The following SLC37A2 variants were observed in gnomAD, a reference collection of about 807,000 sequenced individuals.
SLC37A2 encodes solute carrier family 37 member 2.
SLC37A2 carries 59 observed loss-of-function variants against 70.7 expected under a neutral mutation model. That is an observed-to-expected ratio of 0.83 (90% CI 0.68 to 1.04). The LOEUF (loss-of-function observed/expected upper bound fraction) is 1.04, where lower values mean the gene tolerates loss of function less well. Ranked by LOEUF, SLC37A2 falls within the 50% of genes least tolerant of loss-of-function variation. The probability of loss-of-function intolerance (pLI) is 0.00; values close to 1 mark genes in which losing one functional copy is unlikely to be tolerated. For missense variants in SLC37A2, 580 were observed against 658.1 expected (o/e 0.88, Z 1.30); for synonymous variants, 257 against 262.1 (o/e 0.98, Z 0.19).
intron 17 of SLC37A2, chr11:125,086,496 C>A (rs954961436): frequency 1.1e-5 from 6 of 531,628 alleles, no homozygotes; most frequent in African/African-American, 1.9e-5. Context: ...TTGGACATGC[C>A]CTCGGGGACA....
chr11:125,063,961 A>G lies in SLC37A2; in HGVS notation c.59+535A>G, dbSNP rs1312888510. On this transcript the variant is annotated intron_variant, in intron 1 of 17. Coordinates refer to ENST00000403796, the MANE Select transcript of SLC37A2 (RefSeq NM_001145290.2). This position sits in a 1 kb window ranked among gnomAD's most constrained non-coding sequence, Gnocchi z 5.4. The stretch of plus-strand genomic sequence containing the variant: ...GGAAAGGGCACAGCTCTCAGAGCAG[A>G]GCAGGGCAGCCCCTCGGCAGTGGGA... Among the ~76,000 whole-genome samples the G allele has an allele frequency of 6.6e-6, 1 of 152,166 alleles. No homozygotes were observed. Among genetic ancestry groups the G allele is most frequent in the Non-Finnish European group, 1.5e-5 (1 of 68,022 alleles).
In SLC37A2 at chr11:125,079,667, CT is replaced by C. The variant is rs1009927479; in HGVS notation, c.451-15del. ...CAGCCCAGGCCTGTTCCCACCCTCC[CT>C]TCTCTCTCCCTGCAGGTCTGTAATG... On this transcript the variant is annotated splice_polypyrimidine_tract_variant and intron_variant, in intron 5 of 17. Coordinates refer to ENST00000403796, the MANE Select transcript of SLC37A2 (RefSeq NM_001145290.2). 20 of 1,583,344 alleles carry C rather than the reference CT, an allele frequency of 1.3e-5. No individual in the cohort carries two copies. The highest frequency in any genetic ancestry group is 1.6e-5 in the Non-Finnish European group (19 of 1,162,874).
At position 125,083,430 on chromosome 11, in the gene SLC37A2, C is replaced by A. The variant is rs185904192; in HGVS notation, c.977-385C>A. 6 of 193,588 alleles carry A rather than the reference C, an allele frequency of 3.1e-5. No homozygotes were observed. Among genetic ancestry groups the A allele is most frequent in the African/African-American group, 4.7e-5 (2 of 42,774 alleles). The allele number at this position is 193,588 out of a possible 1,614,324, so 12.0% of individuals were successfully genotyped here. A position where few individuals can be genotyped will look rare whatever the true frequency, so the allele number is the denominator to read the frequency against. On this transcript the variant is annotated intron_variant, in intron 10 of 17. Coordinates refer to ENST00000403796, the MANE Select transcript of SLC37A2 (RefSeq NM_001145290.2). The surrounding 1 kb of genome is among the most constrained non-coding windows in gnomAD (Gnocchi z 4.6). ...GTGTATGAGCACAGCCTAAGGTAAA[C>A]GGGAAGAGTTCCTAGTGCTGCTAGG...
intron 17 of SLC37A2, 96 bp from the exon 18 acceptor site, chr11:125,088,023 A>AG: frequency 1.5e-6 from 2 of 1,361,980 alleles, no homozygotes; most frequent in Non-Finnish European, 1.0e-6. Flanking sequence ...GCAATGATGA[A>AG]GGGACCCTGG....
chr11:125,081,306 C>A, intron 7 of SLC37A2, 115 bp from the exon 8 acceptor site: 1 of 966,334 alleles, frequency 1.0e-6, no homozygotes, highest in Non-Finnish European at 1.5e-6. Flanking sequence ...GAGCTGGAGG[C>A]GGGGCTGGTT....
chr11:125,081,284 TG>T, intron 7 of SLC37A2, 136 bp from the exon 8 acceptor site: 1 of 803,886 alleles, frequency 1.2e-6, no homozygotes, highest in Non-Finnish European at 2.0e-6. Flanking sequence ...GGACACACAC[TG>T]GCCACCTTAG....
At chr11:125,066,939 A>G (rs148786003) in intron 1 of SLC37A2, among the ~76,000 whole-genome samples, 1 of 149,898 alleles carries the variant, frequency 6.7e-6, no homozygotes, top group East Asian at 1.9e-4. Flanking sequence ...TTTAAATTAA[A>G]GAAGGAAAGT....
At position 125,085,672 on chromosome 11, in the gene SLC37A2, T is replaced by A. The variant is rs1217920446; in HGVS notation, c.1423T>A (p.Leu475Met). 1 of 1,612,436 alleles carries A rather than the reference T, an allele frequency of 6.2e-7. No individual in the cohort carries two copies. The highest frequency in any genetic ancestry group is 2.2e-5 in the East Asian group (1 of 44,792). The stretch of plus-strand genomic sequence containing the variant: ...CATCTCTGCCGACGTCCTAGCCTGC[T>A]TGGTAAGAGTCTTGGGGTACACAGA... The part of the protein sequence containing the change: ...MLISADVLAC[L>M]LLCRLVYKEI... The change falls in exon 16 of 18, where the codon TTG becomes ATG. Residue 475 changes from leucine (L) to methionine (M), a missense_variant and splice_region_variant. Physicochemically the swap from Leu to Met is conservative, Grantham distance 15. Coordinates refer to ENST00000403796, the MANE Select transcript of SLC37A2 (RefSeq NM_001145290.2).
chr11:125,066,041 C>T lies in SLC37A2; in HGVS notation c.59+2615C>T, dbSNP rs542038138. Among the ~76,000 whole-genome samples the T allele has an allele frequency of 7.2e-5, 11 of 152,300 alleles. No homozygotes were observed. The South Asian group carries it at 1.9e-3, about 26-fold the overall frequency. On this transcript the variant is annotated intron_variant, in intron 1 of 17. Coordinates refer to ENST00000403796, the MANE Select transcript of SLC37A2 (RefSeq NM_001145290.2). ...TCATCCATCCCCAGTTCATGCGGTC[C>T]TGTGTGATTAATTCTGTCCCGCTGA...
At position 125,063,411 on chromosome 11, in the gene SLC37A2, T is replaced by G. The variant is rs1229951468; in HGVS notation, c.44T>G (p.Phe15Cys). 5.6e-6 allele frequency: 9 copies of G among 1,611,604 alleles called. No individual in the cohort carries two copies. The African/African-American group carries it at 8.0e-5, about 14-fold the overall frequency. Residue 15 changes from phenylalanine (F) to cysteine (C), a missense_variant, in exon 1 of 18, where the codon TTC becomes TGC. Physicochemically the swap from Phe to Cys is radical, Grantham distance 205 (BLOSUM62 -2). Coordinates refer to ENST00000403796, the MANE Select transcript of SLC37A2 (RefSeq NM_001145290.2). This position sits in a 1 kb window ranked among gnomAD's most constrained non-coding sequence, Gnocchi z 5.4. ...LAPGVWFFRAFSRDSWFRGLI... is the reference protein window; with the variant it reads ...LAPGVWFFRACSRDSWFRGLI... ...CCGGGAGTCTGGTTCTTCCGGGCCT[T>G]CTCCAGGGACAGCTGGTGAGCGGGG...
chr11:125,073,076 A>C (rs1591628646), intron 1 of SLC37A2, among the ~76,000 whole-genome samples: 1 of 152,268 alleles, frequency 6.6e-6, no homozygotes, highest in South Asian at 2.1e-4. Context: ...GGTGGATTTC[A>C]GGGAGTTGGG....
intron 12 of SLC37A2, 51 bp from the exon 13 acceptor site, chr11:125,084,773 AG>A (rs1292526175): frequency 6.3e-7 from 1 of 1,592,404 alleles, no homozygotes; most frequent in Non-Finnish European, 8.6e-7. Flanking sequence ...TCAGGGCTCC[AG>A]GCCAGCAAAG....
At position 125,085,134 on chromosome 11, in the gene SLC37A2, G is replaced by T; in HGVS notation, c.1243G>T (p.Asp415Tyr). 2 of 1,613,968 alleles carry T rather than the reference G, an allele frequency of 1.2e-6. No homozygotes were observed. Among genetic ancestry groups the T allele is most frequent in the Non-Finnish European group, 1.7e-6 (2 of 1,179,956 alleles). Reference protein sequence around the residue: ...YALITTAVSADLGTHKSLKGN... With the variant: ...YALITTAVSAYLGTHKSLKGN... ...GCTCATCACCACTGCTGTCTCTGCT[G>T]ATCTGGTGAGTGGGGCCACCTCCCG... The change falls in exon 14 of 18, where the codon GAT becomes TAT. Residue 415 changes from aspartate (D) to tyrosine (Y), a missense_variant. Asp to Tyr is a radical substitution (Grantham distance 160, BLOSUM62 -3). Transcript: ENST00000403796.
At position 125,067,654 on chromosome 11, in the gene SLC37A2, T is replaced by C. The variant is rs1481049025; in HGVS notation, c.59+4228T>C. 2.0e-5 allele frequency among the ~76,000 whole-genome samples: 3 copies of C among 152,230 alleles called. No individual in the cohort carries two copies. In the East Asian group the frequency reaches 5.8e-4, roughly 29 times the overall value. On this transcript the variant is annotated intron_variant, in intron 1 of 17. Transcript: ENST00000403796. ...TCCAGGAGCCCTTCCTCTTTTTAAA[T>C]TAAATATTCACAAACTTATCAAGAT... is the stretch of plus-strand genomic sequence containing the variant.
Position 125,076,833 on chromosome 11 carries a change from G to A in SLC37A2, c.136G>A (p.Val46Ile), listed in dbSNP as rs148933416. 1.7e-4 allele frequency: 276 copies of A among 1,614,076 alleles called. No individual in the cohort carries two copies. The highest frequency in any genetic ancestry group is 8.2e-4 in the Middle Eastern group (5 of 6,062). ...CATGTCCAGGAAGCCTATCAGTATC[G>A]TCAAGGTGAGGCTGGCTGGCAGCAA... ...YHMSRKPISI[V>I]KSRLHQNCSE... The change falls in exon 2 of 18, where the codon GTC becomes ATC. Residue 46 changes from valine (V) to isoleucine (I), a missense_variant. Transcript: ENST00000403796.
In SLC37A2 at chr11:125,085,487, G is replaced by A. The variant is rs1238835408; in HGVS notation, c.1327+14G>A. Reference sequence around the variant, plus strand: ...CCGGCTCCATAGGTCTGTGACTCTAGCTCTGTTGTGGGCCGGCCCCTAGGC... The same window carrying A: ...CCGGCTCCATAGGTCTGTGACTCTAACTCTGTTGTGGGCCGGCCCCTAGGC... On this transcript the variant is annotated intron_variant, in intron 15 of 17. Transcript: ENST00000403796. 1 of 1,613,720 alleles carries A rather than the reference G, an allele frequency of 6.2e-7. No homozygotes were observed. Among genetic ancestry groups the A allele is most frequent in the Non-Finnish European group, 8.5e-7 (1 of 1,179,944 alleles).
chr11:125,072,827 G>A (rs1006438215), intron 1 of SLC37A2, among the ~76,000 whole-genome samples: 7 of 152,206 alleles, frequency 4.6e-5, no homozygotes, highest in African/African-American at 1.7e-4. Context: ...AATGGATAGA[G>A]CACCAGACTC....
chr11:125,077,155 A>T, intron 2 of SLC37A2, 75 bp from the exon 3 acceptor site: 1 of 1,150,714 alleles, frequency 8.7e-7, no homozygotes, highest in East Asian at 2.4e-5. Context: ...CAGTGTCTCC[A>T]GTATGGTTGG....
At chr11:125,068,512 C>G (rs963852595) in intron 1 of SLC37A2, among the ~76,000 whole-genome samples, 7 of 152,178 alleles carry the variant, frequency 4.6e-5, no homozygotes, top group Admixed American at 1.3e-4. Context: ...TGTGTACACA[C>G]AGTCAGCAAT....
Sources: allele counts gnomAD v4.1 joint callset (sites outside exome capture counted in the v4.1 genomes callset), GRCh38; gene constraint gnomAD v4.1.1; non-coding constraint Gnocchi (gnomAD v3.1); transcripts MANE v1.5; gene names NCBI Gene and HGNC (gene_info 2026-07-23, HGNC 2026-07-21).